Variants in MICA observed in about 807,000 individuals in gnomAD.
The protein encoded by MICA is MHC class I polypeptide-related sequence A.
A neutral mutation model predicts 34.3 loss-of-function variants in MICA; 18 were observed. The observed-to-expected ratio is 0.52, with a 90% CI of 0.36 to 0.78. MICA has a LOEUF of 0.78. Ranked by LOEUF, MICA falls within the 30% of genes least tolerant of loss-of-function variation. MICA has a pLI of 0.00. For synonymous variants in MICA, 135 were observed against 156.9 expected, an observed-to-expected ratio of 0.86 and a Z score of 1.04; for missense variants, 333 against 409.4, an observed-to-expected ratio of 0.81 and a Z score of 1.61.
chr6:31,402,453 T>C (rs1249244162), upstream of MICA, among the ~76,000 whole-genome samples: 3 of 151,628 alleles, frequency 2.0e-5, no homozygotes, highest in Non-Finnish European at 4.4e-5. Context: ...GCAGCTGAGG[T>C]TTTCCACGGT....
intron 5 of MICA, 148 bp downstream of exon 5, chr6:31,412,608 C>G: frequency 1.7e-6 from 1 of 591,076 alleles, no homozygotes; most frequent in Non-Finnish European, 3.0e-6. Context: ...GGAATGGGGG[C>G]AGCATCTCCA....
intron 1 of MICA, among the ~76,000 whole-genome samples, chr6:31,408,256 C>G (rs1770852451): frequency 1.3e-5 from 2 of 151,736 alleles, no homozygotes; most frequent in South Asian, 4.2e-4. Context: ...CTAGTATTTC[C>G]TTGACGATTT....
rs1770598326 is a variant in MICA, at chr6:31,403,936, T to TCTCTCCTCGCGTCTCCTCCGCTTC, written c.70+240_70+263dup. Among the ~76,000 whole-genome samples, 2 of 151,778 alleles carry TCTCTCCTCGCGTCTCCTCCGCTTC rather than the reference T, an allele frequency of 1.3e-5. No homozygotes were observed. Among genetic ancestry groups the TCTCTCCTCGCGTCTCCTCCGCTTC allele is most frequent in the Non-Finnish European group, 2.9e-5 (2 of 68,020 alleles). On this transcript the variant is annotated intron_variant, in intron 1 of 5. Coordinates refer to ENST00000449934, the MANE Select transcript of MICA (RefSeq NM_001177519.3). The surrounding 1 kb of genome is among the most constrained non-coding windows in gnomAD (Gnocchi z 4.7). ...CACTTTCTGGTCTCCTCCTGCTCTT[T>TCTCTCCTCGCGTCTCCTCCGCTTC]CTCTCCTCGCGTCTCCTCCGCTTCC...
At position 31,411,500 on chromosome 6, in the gene MICA, A is replaced by T; in HGVS notation, c.613+141A>T. The stretch of plus-strand genomic sequence containing the variant: ...GCACATCGTGTCCTGATTTTCCTCT[A>T]TTGTTAGAGCCACTGGATAAAGACA... On this transcript the variant is annotated intron_variant, in intron 3 of 5. Transcript: ENST00000449934. The surrounding 1 kb of genome is among the most constrained non-coding windows in gnomAD (Gnocchi z 4.3). 1 of 884,652 alleles carries T rather than the reference A, an allele frequency of 1.1e-6. No individual in the cohort carries two copies. Among genetic ancestry groups the T allele is most frequent in the Non-Finnish European group, 1.7e-6 (1 of 596,638 alleles). 54.8% of individuals were successfully genotyped at this position (884,652 alleles called of 1,614,324 possible).
Position 31,411,984 on chromosome 6 carries a change from A to G in MICA, c.651A>G (p.Ser217=). ...TGAATGTCACCCGCAGCGAGGCCTC[A>G]GAGGGCAACATCACCGTGACATGCA... ...PMVNVTRSEA[S]EGNITVTCRA... is the part of the protein sequence containing the mutation. The change falls in exon 4 of 6, where the codon TCA becomes TCG. Residue 217 remains serine, a synonymous_variant. Transcript: ENST00000449934. This position sits in a 1 kb window ranked among gnomAD's most constrained non-coding sequence, Gnocchi z 4.3. 6.2e-7 allele frequency: 1 copy of G among 1,613,110 alleles called. No individual in the cohort carries two copies. Among genetic ancestry groups the G allele is most frequent in the Non-Finnish European group, 8.5e-7 (1 of 1,179,754 alleles).
rs1771461817 is a variant in MICA at position 31,415,309 on chromosome 6, A to G, written c.*327A>G. On this transcript the variant is annotated 3_prime_UTR_variant, in exon 6 of 6. Transcript: ENST00000449934. Reference sequence around the variant, plus strand: ...GATATGAGGCATTTGCAGCTGTGCCATATTAATTGGTGTCATTGTTTTTGT... The same window carrying G: ...GATATGAGGCATTTGCAGCTGTGCCGTATTAATTGGTGTCATTGTTTTTGT... 2.3e-6 allele frequency: 1 copy of G among 437,536 alleles called. No individual in the cohort carries two copies. Among genetic ancestry groups the G allele is most frequent in the South Asian group, 2.6e-5 (1 of 37,748 alleles). 27.1% of individuals were successfully genotyped at this position (437,536 alleles called of 1,614,324 possible). A position where few individuals can be genotyped will look rare whatever the true frequency, so the allele number is the denominator to read the frequency against.
intron 5 of MICA, among the ~76,000 whole-genome samples, chr6:31,413,975 AG>A (rs1348747394): frequency 6.6e-6 from 1 of 152,098 alleles, no homozygotes; most frequent in Non-Finnish European, 1.5e-5. Context: ...TATATGAAAC[AG>A]GAACACAAAT....
upstream of MICA, chr6:31,400,811 G>A (rs2844523): frequency 0.1 from 15,403 of 148,822 alleles, 1,184 homozygotes; most frequent in African/African-American, 0.16. Flanking sequence ...AAACGTAGTT[G>A]ATGGGGTAGA....
At chr6:31,401,660 TAAAA>T (rs9279197), upstream of MICA, among the ~76,000 whole-genome samples, 56 of 145,094 alleles carry the variant, frequency 3.9e-4, no homozygotes, top group Middle Eastern at 3.5e-3. Flanking sequence ...ACTCCTCTCT[TAAAA>T]AAAAAAAAAA....
At chr6:31,412,692 TG>T (rs1282391425) in intron 5 of MICA, among the ~76,000 whole-genome samples, 1 of 151,516 alleles carries the variant, frequency 6.6e-6, no homozygotes, top group African/African-American at 2.4e-5. Context: ...AGGTGAGGAG[TG>T]GGCAGCAGGG....
rs1368959259 is a variant in MICA, at chr6:31,403,649, T to C, written c.17T>C (p.Val6Ala). The C allele has an allele frequency of 1.3e-6, 2 of 1,529,520 alleles. No individual in the cohort carries two copies. Among genetic ancestry groups the C allele is most frequent in the African/African-American group, 1.4e-5 (1 of 70,728 alleles). The allele number at this position is 1,529,520 out of a possible 1,614,324, so 94.7% of individuals were successfully genotyped here. ...GTCGGGGCCATGGGGCTGGGCCCGG[T>C]CTTTCTGCTTCTGGCTGGCATCTTC... MGLGP[V>A]FLLLAGIFPF... is the part of the protein sequence containing the mutation. Residue 6 changes from valine (V) to alanine (A), a missense_variant, in exon 1 of 6, where the codon GTC becomes GCC. Coordinates refer to ENST00000449934, the MANE Select transcript of MICA (RefSeq NM_001177519.3). The surrounding 1 kb of genome is among the most constrained non-coding windows in gnomAD (Gnocchi z 4.7).
At chr6:31,406,093 A>G (rs1172230373) in intron 1 of MICA, among the ~76,000 whole-genome samples, 7 of 151,818 alleles carry the variant, frequency 4.6e-5, no homozygotes, top group Non-Finnish European at 8.8e-5. Context: ...TGACAGCTCT[A>G]TTGTATTTTT....
chr6:31,405,854 G>T (rs201413354), intron 1 of MICA, among the ~76,000 whole-genome samples: 3 of 151,878 alleles, frequency 2.0e-5, no homozygotes, highest in African/African-American at 4.8e-5. Flanking sequence ...TCACTTCACA[G>T]GATGACCTCC....
intron 1 of MICA, among the ~76,000 whole-genome samples, chr6:31,408,596 CT>C (rs1451554508): frequency 2.0e-5 from 3 of 151,922 alleles, no homozygotes; most frequent in Non-Finnish European, 1.5e-5. Flanking sequence ...CCTCTGGCCC[CT>C]GGTAACCACC....
rs750111079 is a variant in MICA, at chr6:31,415,048, T to C, written c.*66T>C. The C allele has an allele frequency of 6.2e-6, 9 of 1,444,522 alleles. No individual in the cohort carries two copies. The highest frequency in any genetic ancestry group is 1.4e-5 in the African/African-American group (1 of 70,830). The allele number at this position is 1,444,522 out of a possible 1,614,324, so 89.5% of individuals were successfully genotyped here. Reference sequence around the variant, plus strand: ...CTGCAGGTCCTGGATCAACACCCAGTTGGGACGAGTGACCACAGGGATGCC... The same window carrying C: ...CTGCAGGTCCTGGATCAACACCCAGCTGGGACGAGTGACCACAGGGATGCC... On this transcript the variant is annotated 3_prime_UTR_variant, in exon 6 of 6. Coordinates refer to ENST00000449934, the MANE Select transcript of MICA (RefSeq NM_001177519.3).
intron 5 of MICA, among the ~76,000 whole-genome samples, chr6:31,413,205 A>T (rs1771307747): frequency 6.6e-6 from 1 of 151,830 alleles, no homozygotes; most frequent in South Asian, 2.1e-4. Flanking sequence ...GACATGGATG[A>T]GTAGATAAGC....
intron 1 of MICA, among the ~76,000 whole-genome samples, chr6:31,408,652 A>G (rs541997635): frequency 1.3e-5 from 2 of 151,920 alleles, no homozygotes; most frequent in South Asian, 4.2e-4. Context: ...TAGGTACCTC[A>G]TTTAAGCAGA....
chr6:31,405,483 G>C (rs2442714), intron 1 of MICA, among the ~76,000 whole-genome samples: 82,385 of 151,272 alleles, frequency 0.54, 23,497 homozygotes, highest in Middle Eastern at 0.73. Flanking sequence ...GGGATATTTT[G>C]ACACAGGCCT....
At chr6:31,410,347 CCTT>C (rs1035276238) in intron 1 of MICA, among the ~76,000 whole-genome samples, 193 bp from the exon 2 acceptor site, 4 of 151,882 alleles carry the variant, frequency 2.6e-5, no homozygotes, top group East Asian at 3.9e-4. Context: ...CTTCATTCCC[CCTT>C]CTTCTGTTCA....
Sources: allele counts gnomAD v4.1 joint callset (sites outside exome capture counted in the v4.1 genomes callset), GRCh38; gene constraint gnomAD v4.1.1; non-coding constraint Gnocchi (gnomAD v3.1); transcripts MANE v1.5; gene names NCBI Gene and HGNC (gene_info 2026-07-23, HGNC 2026-07-21).